LILRB4: variants seen among roughly 807,000 people sequenced by gnomAD.
The protein encoded by LILRB4 is leukocyte immunoglobulin like receptor B4.
Under a neutral mutation model 55.2 loss-of-function variants are expected in LILRB4, and 49 were observed. The observed-to-expected ratio is 0.89, with a 90% confidence interval of 0.71 to 1.13. LILRB4 has a LOEUF of 1.13. LILRB4 is among the 50% of genes most tolerant of loss of function. LILRB4 has a pLI of 0.00. For missense variants in LILRB4, 590 were observed against 555.2 expected (o/e 1.06, Z -0.63); for synonymous variants, 229 against 213.8 (o/e 1.07, Z -0.62).
chr19:54,664,087 G>A (rs370914566), intron 3 of LILRB4, 49 bp downstream of exon 3: 1 of 1,605,290 alleles, frequency 6.2e-7, no homozygotes, highest in African/African-American at 1.3e-5. Flanking sequence ...CCTCAGGAAG[G>A]GGGTCAGCTC....
At chr19:54,663,599 C>T (rs754760202) in intron 2 of LILRB4, 32 bp downstream of exon 2, 11 of 1,612,982 alleles carry the variant, frequency 6.8e-6, no homozygotes, top group South Asian at 2.2e-5. Flanking sequence ...CCAGGTCCCT[C>T]CTCCTCACTG....
Position 54,663,101 on chromosome 19 carries a change from T to A in LILRB4, c.34+34T>A, listed in dbSNP as rs375094007. On this transcript the variant is annotated intron_variant, in intron 1 of 11. Transcript: ENST00000430952. The stretch of plus-strand genomic sequence containing the variant: ...TAAAGAGGGGGAGGGGAGACCCGAG[T>A]CTTGGAGGAAATTTGCCTCACAGCC... 6.4e-5 allele frequency: 102 copies of A among 1,593,790 alleles called. 1 individual carries two copies. In the Middle Eastern group the frequency reaches 3.7e-3, roughly 58 times the overall value.
exon 4 of LILRB4, chr19:54,664,224 C>T (rs1035859902): frequency 6.2e-7 from 1 of 1,614,100 alleles, no homozygotes; most frequent in African/African-American, 1.3e-5. Flanking sequence ...CCTGCCGAGT[C>T]CTCTTGTGAC....
Position 54,665,096 on chromosome 19 carries a change from C to T in LILRB4, c.707-34C>T. ...AGCCGAGCTGATGTGGGGAGCAGGG[C>T]AGCCCCAGCCCTCACATCCCTGTTC... On this transcript the variant is annotated intron_variant, in intron 5 of 11. Coordinates refer to ENST00000430952, the Ensembl canonical transcript of LILRB4. This position sits in a 1 kb window ranked among gnomAD's most constrained non-coding sequence, Gnocchi z 5.5. The T allele has an allele frequency of 6.2e-7, 1 of 1,609,314 alleles. No homozygotes were observed. Among genetic ancestry groups the T allele is most frequent in the Non-Finnish European group, 8.5e-7 (1 of 1,177,262 alleles).
exon 3 of LILRB4, chr19:54,663,757 C>T (rs755568653): frequency 1.2e-6 from 2 of 1,613,970 alleles, no homozygotes; most frequent in Admixed American, 3.3e-5. Context: ...CTTCCAGGGC[C>T]CCTCCCCAAA....
rs2065153334 is a variant in LILRB4, at chr19:54,664,169, G to A, written c.356-17G>A. The A allele has an allele frequency of 6.2e-7, 1 of 1,604,970 alleles. No individual in the cohort carries two copies. The highest frequency in any genetic ancestry group is 8.5e-7 in the Non-Finnish European group (1 of 1,174,712). ...AGGTGGGAGCCCCATTTAACACGGT[G>A]CCTCCTTCTCTCCTAGGAGCCTACA... On this transcript the variant is annotated splice_polypyrimidine_tract_variant and intron_variant, in intron 3 of 11. Transcript: ENST00000430952.
chr19:54,667,670 G>A (rs61738941), exon 11 of LILRB4: 145 of 1,609,986 alleles, frequency 9.0e-5, no homozygotes, highest in East Asian at 7.0e-4. Context: ...AGGCAGTGAC[G>A]TATGCCAAGG....
rs756042579 is a variant in LILRB4, at chr19:54,666,390, C to A, written c.951-9C>A. 1 of 1,614,016 alleles carries A rather than the reference C, an allele frequency of 6.2e-7. No homozygotes were observed. The highest frequency in any genetic ancestry group is 8.5e-7 in the Non-Finnish European group (1 of 1,179,884). On this transcript the variant is annotated splice_polypyrimidine_tract_variant and intron_variant, in intron 8 of 11. Coordinates refer to ENST00000430952, the Ensembl canonical transcript of LILRB4. The surrounding 1 kb of genome is among the most constrained non-coding windows in gnomAD (Gnocchi z 4.8). ...CACTGTCCCCTTACACTCCCGTATC[C>A]TCCCCCAGGTCCAGCCCAGCTGCTG...
chr19:54,666,638 G>A lies in LILRB4; in HGVS notation c.989-59G>A. On this transcript the variant is annotated intron_variant, in intron 9 of 11. Transcript: ENST00000430952. The surrounding 1 kb of genome is among the most constrained non-coding windows in gnomAD (Gnocchi z 4.8). ...AATGGGAACAGGGCAGGGACCAGCA[G>A]GAATGAGAGGTCCCAGGGAACCTTC... 1.9e-6 allele frequency: 3 copies of A among 1,558,832 alleles called. No individual in the cohort carries two copies. Among genetic ancestry groups the A allele is most frequent in the South Asian group, 1.1e-5 (1 of 88,088 alleles).
chr19:54,667,340 T>A, intron 10 of LILRB4: 1 of 613,064 alleles, frequency 1.6e-6, no homozygotes, highest in Non-Finnish European at 3.0e-6. Context: ...GGCCACGTGA[T>A]CCTCTAATGG....
At chr19:54,668,372 A>G (rs2065390999) in exon 12 of LILRB4, 1 of 227,126 alleles carries the variant, frequency 4.4e-6, no homozygotes, top group African/African-American at 2.3e-5. Context: ...AAAAATTAAT[A>G]AAGTCAAAAT....
rs2065340537 is a variant in LILRB4 at position 54,667,551 on chromosome 19, GGA to G, written c.1042-86_1042-85del. 9 of 1,582,396 alleles carry G rather than the reference GGA, an allele frequency of 5.7e-6. No individual in the cohort carries two copies. The South Asian group carries it at 1.1e-4, about 19-fold the overall frequency. ...ATTCCGTCAGGAAAGGGATGTAATCGGATCACCCTGGGAACAGTGGGGAAAAT... is the reference window on the plus strand; with the variant it reads ...ATTCCGTCAGGAAAGGGATGTAATCGTCACCCTGGGAACAGTGGGGAAAAT... On this transcript the variant is annotated intron_variant, in intron 10 of 11. Transcript: ENST00000430952.
In LILRB4 at chr19:54,663,082, G is replaced by T. The variant is rs780765308; in HGVS notation, c.34+15G>T. 6.2e-7 allele frequency: 1 copy of T among 1,606,716 alleles called. No individual in the cohort carries two copies. The highest frequency in any genetic ancestry group is 8.5e-7 in the Non-Finnish European group (1 of 1,175,540). Reference sequence around the variant, plus strand: ...GCTCTGCCTCGGTGAGATTTAAAGAGGGGGAGGGGAGACCCGAGTCTTGGA... The same window carrying T: ...GCTCTGCCTCGGTGAGATTTAAAGATGGGGAGGGGAGACCCGAGTCTTGGA... On this transcript the variant is annotated intron_variant, in intron 1 of 11. Transcript: ENST00000430952.
exon 12 of LILRB4, chr19:54,667,995 C>G: frequency 6.2e-7 from 1 of 1,614,134 alleles, no homozygotes; most frequent in Non-Finnish European, 8.5e-7. Flanking sequence ...AGCCCAGTGT[C>G]TATGCCACTC....
exon 3 of LILRB4, chr19:54,663,845 G>A (rs1455677947): frequency 6.2e-7 from 1 of 1,614,044 alleles, no homozygotes; most frequent in Admixed American, 1.7e-5. Flanking sequence ...GGACCCTGGA[G>A]GCTCGGGAGT....
chr19:54,664,397 CG>C lies in LILRB4; in HGVS notation c.573del (p.Thr192ProfsTer25), dbSNP rs2065169709. ...CCATGAGTCCTGTGACCTCAGTGCA[CG>C]GGGGGACCTACAGGTGCTTCAGCTC... On this transcript the variant is annotated frameshift_variant, in exon 4 of 12. Transcript: ENST00000430952. LOFTEE classifies it high-confidence loss of function. 6 of 1,613,450 alleles carry C rather than the reference CG, an allele frequency of 3.7e-6. No homozygotes were observed. Among genetic ancestry groups the C allele is most frequent in the Middle Eastern group, 1.6e-4 (1 of 6,072 alleles).
Position 54,664,865 on chromosome 19 carries a change from C to T in LILRB4, c.706+16C>T, listed in dbSNP as rs771275757. The T allele has an allele frequency of 1.2e-5, 19 of 1,611,258 alleles. No individual in the cohort carries two copies. In the Admixed American group the frequency reaches 3.2e-4, roughly 27 times the overall value. ...TCAACAGCTGGTGAGTCTCAGAGGC[C>T]TCTGTCCAGAGAGTTTCCAAAGCCC... On this transcript the variant is annotated intron_variant, in intron 5 of 11. Coordinates refer to ENST00000430952, the Ensembl canonical transcript of LILRB4.
chr19:54,666,365 C>A lies in LILRB4; in HGVS notation c.951-34C>A. On this transcript the variant is annotated intron_variant, in intron 8 of 11. Transcript: ENST00000430952. The surrounding 1 kb of genome is among the most constrained non-coding windows in gnomAD (Gnocchi z 4.8). ...CTCCCACCCATCCCAACAGCCACCT[C>A]ACTGTCCCCTTACACTCCCGTATCC... 6.2e-7 allele frequency: 1 copy of A among 1,612,728 alleles called. No homozygotes were observed. The highest frequency in any genetic ancestry group is 8.5e-7 in the Non-Finnish European group (1 of 1,179,198).
chr19:54,663,540 CTGGGCCCCAGGACCCACA>C, exon 2 of LILRB4: 1 of 1,613,216 alleles, frequency 6.2e-7, no homozygotes, highest in Non-Finnish European at 8.5e-7. Flanking sequence ...AGGGCTGAGT[CTGGGCCCCAGGACCCACA>C]TGCAGGCAGG....
Sources: allele counts gnomAD v4.1 joint callset, GRCh38; gene constraint gnomAD v4.1.1; non-coding constraint Gnocchi (gnomAD v3.1); transcripts MANE v1.5; gene names NCBI Gene and HGNC (gene_info 2026-07-23, HGNC 2026-07-21).